Variants in TMCO1 observed in about 807,000 individuals in gnomAD.
The protein encoded by TMCO1 is calcium load-activated calcium channel.
Under a neutral mutation model 29.3 loss-of-function variants are expected in TMCO1, and 29 were observed. That is an observed-to-expected ratio of 0.99 (90% CI 0.74 to 1.35). The LOEUF (loss-of-function observed/expected upper bound fraction) is 1.35, where lower values mean the gene tolerates loss of function less well. TMCO1 is among the 40% of genes most tolerant of loss of function. TMCO1 has a pLI of 0.00. For missense variants in TMCO1, 173 were observed against 225.5 expected (o/e 0.77, Z 1.49); for synonymous variants, 80 against 77.1 (o/e 1.04, Z -0.20).
downstream of TMCO1, chr1:165,726,673 T>A (rs1178026190): frequency 2.2e-6 from 1 of 454,292 alleles, no homozygotes; most frequent in Non-Finnish European, 4.4e-6. Context: ...AATTTATCCA[T>A]ATATTCATCC....
chr1:165,757,995 T>A (rs1026156909), intron 3 of TMCO1, among the ~76,000 whole-genome samples: 16 of 152,120 alleles, frequency 1.1e-4, no homozygotes, highest in African/African-American at 3.9e-4. Context: ...CCATGTTGAA[T>A]GTCTTCATTT....
chr1:165,746,072 G>A (rs1023302764), intron 5 of TMCO1, among the ~76,000 whole-genome samples: 8 of 152,016 alleles, frequency 5.3e-5, no homozygotes, highest in African/African-American at 1.9e-4. Flanking sequence ...ACGAGGTCAG[G>A]AGTTTGAGAC....
At chr1:165,747,255 G>A (rs192961572) in intron 5 of TMCO1, among the ~76,000 whole-genome samples, 11 of 116,638 alleles carry the variant, frequency 9.4e-5, no homozygotes, top group African/African-American at 3.6e-4. Flanking sequence ...AGAACAGTGT[G>A]AGGCTCTGTC....
At chr1:165,751,915 GA>G (rs1002918166) in intron 5 of TMCO1, among the ~76,000 whole-genome samples, 186 bp downstream of exon 5, 23 of 151,028 alleles carry the variant, frequency 1.5e-4, no homozygotes, top group African/African-American at 5.1e-4. Context: ...GAGAGAAAAA[GA>G]AAAAAAAGAA....
intron 5 of TMCO1, among the ~76,000 whole-genome samples, chr1:165,744,946 C>T (rs1359931937): frequency 1.3e-5 from 2 of 151,968 alleles, no homozygotes; most frequent in Non-Finnish European, 2.9e-5. Context: ...CAAGTCCTTC[C>T]CTTCTTAGTC....
intron 6 of TMCO1, among the ~76,000 whole-genome samples, chr1:165,737,894 C>T (rs1279612850): frequency 6.6e-6 from 1 of 152,188 alleles, no homozygotes; most frequent in Non-Finnish European, 1.5e-5. Context: ...GGTGAAGATT[C>T]AGGCAATCCT....
At position 165,728,055 on chromosome 1, in the gene TMCO1, C is replaced by G. The variant is rs1392427324; in HGVS notation, c.535G>C (p.Gly179Arg). 6.2e-7 allele frequency: 1 copy of G among 1,608,742 alleles called. No individual in the cohort carries two copies. The highest frequency in any genetic ancestry group is 8.5e-7 in the Non-Finnish European group (1 of 1,176,692). ...AATKQAGGFL[G>R]PPPPSGKFS The stretch of plus-strand genomic sequence containing the variant: ...AACTTCCCAGAAGGAGGTGGTGGGC[C>G]AAGAAATCCACCTGCCTGCTTGGTG... Residue 179 changes from glycine to arginine, a missense_variant, in exon 7 of 7, where the codon GGC becomes CGC. Coordinates refer to ENST00000367881, the MANE Select transcript of TMCO1 (RefSeq NM_019026.6).
intron 3 of TMCO1, among the ~76,000 whole-genome samples, chr1:165,757,596 A>C (rs540895074): frequency 6.6e-6 from 1 of 152,194 alleles, no homozygotes; most frequent in Non-Finnish European, 1.5e-5. Flanking sequence ...TCCCAGATTC[A>C]AGTGGATTCT....
Position 165,727,072 on chromosome 1 carries a change from T to C in TMCO1, c.*951A>G, listed in dbSNP as rs1316843318. 2.2e-6 allele frequency: 1 copy of C among 454,080 alleles called. No homozygotes were observed. Among genetic ancestry groups the C allele is most frequent in the Admixed American group, 2.3e-5 (1 of 42,574 alleles). 28.1% of individuals were successfully genotyped at this position (454,080 alleles called of 1,614,324 possible). A position where few individuals can be genotyped will look rare whatever the true frequency, so the allele number is the denominator to read the frequency against. ...ACAGGACTCCTAATTCCATAGATTA[T>C]GCGGGGAGGATCATGGTACAAACAT... On this transcript the variant is annotated 3_prime_UTR_variant, in exon 7 of 7. Coordinates refer to ENST00000367881, the MANE Select transcript of TMCO1 (RefSeq NM_019026.6).
chr1:165,726,750 T>C (rs1650907859), downstream of TMCO1: 1 of 453,918 alleles, frequency 2.2e-6, no homozygotes, highest in African/African-American at 2.0e-5. Flanking sequence ...GCAGATCCTC[T>C]TTTTTGTCCT....
In TMCO1 at chr1:165,768,700, T is replaced by C; in HGVS notation, c.52A>G (p.Thr18Ala). The C allele has an allele frequency of 1.2e-6, 2 of 1,614,078 alleles. No homozygotes were observed. The highest frequency in any genetic ancestry group is 1.7e-6 in the Non-Finnish European group (2 of 1,180,010). Reference protein sequence around the residue: ...TLLIVFISVCTALLAEGITWV... With the variant: ...TLLIVFISVCAALLAEGITWV... ...CTCTCACCCTCTGCGAGCAGAGCCGTGCACACAGAGATAAAAACGATGAGG... is the reference window on the plus strand; with the variant it reads ...CTCTCACCCTCTGCGAGCAGAGCCGCGCACACAGAGATAAAAACGATGAGG... The change falls in exon 1 of 7, where the codon ACG (threonine) becomes GCG (alanine). Residue 18 changes from threonine to alanine, a missense_variant. Coordinates refer to ENST00000367881, the MANE Select transcript of TMCO1 (RefSeq NM_019026.6).
chr1:165,753,413 C>T (rs1367958259), intron 4 of TMCO1, among the ~76,000 whole-genome samples: 1 of 134,374 alleles, frequency 7.4e-6, no homozygotes, highest in Non-Finnish European at 1.5e-5. Flanking sequence ...GCAGAGTTTG[C>T]AGTCAGTCGA....
intron 5 of TMCO1, 124 bp from the exon 6 acceptor site, chr1:165,743,435 G>A: frequency 1.0e-6 from 1 of 968,244 alleles, no homozygotes; most frequent in Non-Finnish European, 1.6e-6. Flanking sequence ...ACAAAGAGAG[G>A]GTGACATGCT....
chr1:165,728,260 C>CTT (rs397967679), intron 6 of TMCO1, 139 bp from the exon 7 acceptor site: 469 of 462,502 alleles, frequency 1.0e-3, no homozygotes, highest in Middle Eastern at 1.4e-3. Flanking sequence ...ATGATTATCA[C>CTT]TTTTTTTTTT....
At chr1:165,746,003 C>T (rs1250120180) in intron 5 of TMCO1, among the ~76,000 whole-genome samples, 1 of 152,056 alleles carries the variant, frequency 6.6e-6, no homozygotes, top group Non-Finnish European at 1.5e-5. Flanking sequence ...AAAAGAAGGC[C>T]AGGAGCGGTG....
chr1:165,725,024 C>A (rs12037952), downstream of TMCO1: 20,799 of 90,570 alleles, frequency 0.23, 1,294 homozygotes, highest in East Asian at 0.45. Flanking sequence ...CTCTCTCTCT[C>A]TATATATATA....
At chr1:165,734,279 T>A (rs1389069348) in intron 6 of TMCO1, among the ~76,000 whole-genome samples, 1 of 152,160 alleles carries the variant, frequency 6.6e-6, no homozygotes, top group Admixed American at 6.5e-5. Context: ...AACCTTATCG[T>A]ACAAGCTTGA....
chr1:165,747,896 C>G (rs913857122), intron 5 of TMCO1, among the ~76,000 whole-genome samples: 1 of 152,158 alleles, frequency 6.6e-6, no homozygotes, highest in Admixed American at 6.5e-5. Context: ...TGGTGGCTCA[C>G]ACCTGTAATA....
chr1:165,742,857 T>A (rs1455209887), intron 6 of TMCO1, among the ~76,000 whole-genome samples: 3 of 152,176 alleles, frequency 2.0e-5, no homozygotes, highest in African/African-American at 7.2e-5. Flanking sequence ...GAAATGGTAC[T>A]GGGAAGACCA....
Sources: allele counts gnomAD v4.1 joint callset (sites outside exome capture counted in the v4.1 genomes callset), GRCh38; gene constraint gnomAD v4.1.1; transcripts MANE v1.5; gene names NCBI Gene and HGNC (gene_info 2026-07-23, HGNC 2026-07-21).